Variants in ARPC4 observed in about 807,000 individuals in gnomAD.
The protein encoded by ARPC4 is actin related protein 2/3 complex subunit 4.
ARPC4 carries 3 observed loss-of-function variants against 22.8 expected under a neutral mutation model. The observed-to-expected ratio is 0.13, with a 90% CI of 0.06 to 0.34. The LOEUF (loss-of-function observed/expected upper bound fraction) is 0.34, where lower values mean the gene tolerates loss of function less well. ARPC4 is among the 10% of genes least tolerant of loss of function. ARPC4 has a pLI of 1.00. For synonymous variants in ARPC4, 80 were observed against 72.5 expected (o/e 1.10, Z -0.52); for missense variants, 98 against 211.0 (o/e 0.46, Z 3.32).
At position 9,793,135 on chromosome 3, in the gene ARPC4, C is replaced by T. The variant is rs368101730; in HGVS notation, c.3+11C>T. The T allele has an allele frequency of 1.9e-5, 30 of 1,541,968 alleles. No homozygotes were observed. The highest frequency in any genetic ancestry group is 4.9e-5 in the East Asian group (2 of 40,722). On this transcript the variant is annotated intron_variant, in intron 1 of 5. Coordinates refer to ENST00000397261, the MANE Select transcript of ARPC4 (RefSeq NM_005718.5). Reference sequence around the variant, plus strand: ...CCAGCGCCCGCGATGGTGAGAGAGCCGGGCCCCCGGCCAGGGACCCCCGGC... The same window carrying T: ...CCAGCGCCCGCGATGGTGAGAGAGCTGGGCCCCCGGCCAGGGACCCCCGGC...
intron 1 of ARPC4, among the ~76,000 whole-genome samples, chr3:9,796,758 C>A (rs571573737): frequency 3.3e-5 from 5 of 151,892 alleles, no homozygotes; most frequent in East Asian, 1.9e-4. Flanking sequence ...TGGCTAACAC[C>A]GTGAAACCCT....
At position 9,799,050 on chromosome 3, in the gene ARPC4, C is replaced by T. The variant is rs959951539; in HGVS notation, c.123-1135C>T. ...GTAACGTACACGATTTCCAGTGGGCCTTTGAAAATGGTTAGCAGTTTAGAG... is the reference window on the plus strand; with the variant it reads ...GTAACGTACACGATTTCCAGTGGGCTTTTGAAAATGGTTAGCAGTTTAGAG... On this transcript the variant is annotated intron_variant, in intron 2 of 5. Transcript: ENST00000397261. Among the ~76,000 whole-genome samples the T allele has an allele frequency of 6.6e-5, 10 of 152,196 alleles. No homozygotes were observed. The South Asian group carries it at 1.9e-3, about 28-fold the overall frequency.
intron 1 of ARPC4, among the ~76,000 whole-genome samples, chr3:9,796,450 CT>C (rs1427235185): frequency 7.9e-5 from 12 of 151,990 alleles, no homozygotes. Flanking sequence ...GTAATAAATA[CT>C]TTATAGGGGG....
chr3:9,794,021 C>T (rs2078820698), intron 1 of ARPC4, among the ~76,000 whole-genome samples: 1 of 152,152 alleles, frequency 6.6e-6, no homozygotes. Flanking sequence ...GTTCCCTATC[C>T]TGGCAAACTT....
chr3:9,806,470 C>A lies in ARPC4; in HGVS notation c.*255C>A. 1 of 541,922 alleles carries A rather than the reference C, an allele frequency of 1.8e-6. No individual in the cohort carries two copies. The highest frequency in any genetic ancestry group is 3.3e-6 in the Non-Finnish European group (1 of 301,094). 33.6% of individuals were successfully genotyped at this position (541,922 alleles called of 1,614,324 possible). On this transcript the variant is annotated 3_prime_UTR_variant, in exon 6 of 6. Coordinates refer to ENST00000397261, the MANE Select transcript of ARPC4 (RefSeq NM_005718.5). ...GGCCGGGACAGATTTTTTTTAACGT[C>A]TTGAAACTTAAACTCTGTGCTTGTA...
At chr3:9,799,575 T>C (rs2078966557) in intron 2 of ARPC4, among the ~76,000 whole-genome samples, 1 of 152,080 alleles carries the variant, frequency 6.6e-6, no homozygotes, top group Non-Finnish European at 1.5e-5. Context: ...CCTGAGTATC[T>C]GGGATTATAG....
chr3:9,797,653 C>G lies in ARPC4; in HGVS notation c.4-6C>G, dbSNP rs1372178305. 6.2e-7 allele frequency: 1 copy of G among 1,612,926 alleles called. No homozygotes were observed. Among genetic ancestry groups the G allele is most frequent in the South Asian group, 1.1e-5 (1 of 90,974 alleles). ...TCTTCCCTTTCCTCTGTGTTATTTC[C>G]TATAGACTGCCACTCTCCGCCCCTA... is the stretch of plus-strand genomic sequence containing the variant. On this transcript the variant is annotated splice_polypyrimidine_tract_variant and splice_region_variant and intron_variant, in intron 1 of 5. Transcript: ENST00000397261.
chr3:9,800,341 C>A, intron 3 of ARPC4, 45 bp downstream of exon 3: 1 of 1,586,812 alleles, frequency 6.3e-7, no homozygotes, highest in Non-Finnish European at 8.6e-7. Flanking sequence ...CTCTTTCAGT[C>A]CTTTCAGCCT....
chr3:9,801,785 A>G, intron 4 of ARPC4, 29 bp downstream of exon 4: 1 of 1,571,894 alleles, frequency 6.4e-7, no homozygotes, highest in Non-Finnish European at 8.7e-7. Flanking sequence ...TGAGTTTGCG[A>G]TACCCAGGAC....
chr3:9,793,682 G>A (rs1462120550), intron 1 of ARPC4, among the ~76,000 whole-genome samples: 1 of 152,182 alleles, frequency 6.6e-6, no homozygotes, highest in East Asian at 1.9e-4. Flanking sequence ...CAGCCTTAGT[G>A]TATGTTAGCT....
chr3:9,802,851 A>C (rs1239940883), intron 4 of ARPC4, among the ~76,000 whole-genome samples: 1 of 148,348 alleles, frequency 6.7e-6, no homozygotes, highest in East Asian at 2.0e-4. Flanking sequence ...CTAATTTTGT[A>C]TTTTTAGTAG....
intron 1 of ARPC4, among the ~76,000 whole-genome samples, chr3:9,796,236 A>G (rs2078881951): frequency 1.3e-5 from 2 of 152,356 alleles, no homozygotes; most frequent in South Asian, 4.1e-4. Context: ...TCTACTAAAA[A>G]TACAAAAATT....
At chr3:9,793,177 AGTGGGTCG>A in intron 1 of ARPC4, 53 bp downstream of exon 1, 1 of 1,516,058 alleles carries the variant, frequency 6.6e-7, no homozygotes, top group Non-Finnish European at 8.9e-7. Flanking sequence ...GCCTCAGGGC[AGTGGGTCG>A]GTGGGAGATG....
rs536375601 is a variant in ARPC4 at position 9,796,804 on chromosome 3, G to A, written c.4-855G>A. 7.9e-5 allele frequency among the ~76,000 whole-genome samples: 12 copies of A among 152,170 alleles called. No homozygotes were observed. The South Asian group carries it at 1.0e-3, about 13-fold the overall frequency. On this transcript the variant is annotated intron_variant, in intron 1 of 5. Transcript: ENST00000397261. ...AAAATACAAAAAGTTAGCCGGGTGT[G>A]GTGGTGGGCGCCTGTAGTCCCAGCT... is the stretch of plus-strand genomic sequence containing the variant.
chr3:9,797,854 C>T (rs2125641217), intron 2 of ARPC4, 77 bp downstream of exon 2: 2 of 1,426,762 alleles, frequency 1.4e-6, no homozygotes, highest in Middle Eastern at 1.8e-4. Flanking sequence ...GTGCCATGAA[C>T]TTATGTCCTG....
intron 2 of ARPC4, 94 bp downstream of exon 2, chr3:9,797,871 T>C (rs764519626): frequency 2.4e-6 from 3 of 1,256,818 alleles, no homozygotes; most frequent in Non-Finnish European, 3.3e-6. Flanking sequence ...CCTGCAGTAG[T>C]CAGGAAAGCT....
intron 3 of ARPC4, 124 bp from the exon 4 acceptor site, chr3:9,801,537 C>T (rs1488287519): frequency 1.2e-5 from 11 of 902,288 alleles, no homozygotes; most frequent in East Asian, 1.1e-4. Flanking sequence ...GTGATCCTTC[C>T]GAGTACCAAA....
Position 9,800,304 on chromosome 3 carries a change from C to T in ARPC4, c.234+8C>T. On this transcript the variant is annotated splice_region_variant and intron_variant, in intron 3 of 5. Transcript: ENST00000397261. ...AGCATTGCTGTGAAACAGGTAAGTT[C>T]ACCATGGAGGAGGCCCAACGTAAGG... is the stretch of plus-strand genomic sequence containing the variant. 1.2e-6 allele frequency: 2 copies of T among 1,613,844 alleles called. No individual in the cohort carries two copies. The highest frequency in any genetic ancestry group is 2.2e-5 in the East Asian group (1 of 44,872).
chr3:9,803,719 G>A, intron 4 of ARPC4, 124 bp from the exon 5 acceptor site: 2 of 1,114,844 alleles, frequency 1.8e-6, no homozygotes. Context: ...TATGTAGCTT[G>A]GGAGAAGATC....
Sources: allele counts gnomAD v4.1 joint callset (sites outside exome capture counted in the v4.1 genomes callset), GRCh38; gene constraint gnomAD v4.1.1; transcripts MANE v1.5; gene names NCBI Gene and HGNC (gene_info 2026-07-23, HGNC 2026-07-21).